ARHGAP6: variants seen among roughly 807,000 people sequenced by gnomAD.
The protein encoded by ARHGAP6 is rho GTPase-activating protein 6.
A neutral mutation model predicts 55.7 loss-of-function variants in ARHGAP6; 16 were observed. The observed-to-expected ratio is 0.29, with a 90% CI of 0.19 to 0.44. The LOEUF (loss-of-function observed/expected upper bound fraction) is 0.44, where lower values mean the gene tolerates loss of function less well. ARHGAP6 is among the 20% of genes least tolerant of loss of function. ARHGAP6 has a pLI of 1.00. For missense variants in ARHGAP6, 698 were observed against 808.9 expected, an observed-to-expected ratio of 0.86 and a Z score of 1.66; for synonymous variants, 382 against 360.9, an observed-to-expected ratio of 1.06 and a Z score of -0.66.
intron 1 of ARHGAP6, among the ~76,000 whole-genome samples, chrX:11,276,953 T>A (rs1367575722): frequency 9.0e-6 from 1 of 111,649 alleles, no homozygotes; most frequent in African/African-American, 3.3e-5. Context: ...AGTATACTCA[T>A]AGATAGTGTA....
In ARHGAP6 at chrX:11,511,887, C is replaced by T. The variant is rs1014438371; in HGVS notation, c.588+152354G>A. Among the ~76,000 whole-genome samples the T allele has an allele frequency of 2.7e-5, 3 of 111,292 alleles. No individual in the cohort carries two copies. The Admixed American group carries it at 2.9e-4, about 11-fold the overall frequency. ...TGTCACCCAGGCTGGAGTCCAGTGG[C>T]ATGATCTCAGCTCACTGCAAGCTCT... is the stretch of plus-strand genomic sequence containing the variant. On this transcript the variant is annotated intron_variant, in intron 1 of 12. Transcript: ENST00000337414.
At chrX:11,392,808 TAAG>T (rs2049425073) in intron 1 of ARHGAP6, among the ~76,000 whole-genome samples, 1 of 111,908 alleles carries the variant, frequency 8.9e-6, no homozygotes, top group African/African-American at 3.2e-5. Context: ...AACACACTCT[TAAG>T]AATCAACAAC....
chrX:11,153,521 T>A (rs2045818985), intron 10 of ARHGAP6, among the ~76,000 whole-genome samples: 1 of 54,414 alleles, frequency 1.8e-5, no homozygotes, highest in African/African-American at 8.0e-5. Context: ...CGAGACTCGA[T>A]CTCAAAAAAA....
At chrX:11,161,826 T>G (rs1440988917) in intron 9 of ARHGAP6, among the ~76,000 whole-genome samples, 2 of 111,961 alleles carry the variant, frequency 1.8e-5, no homozygotes, top group Non-Finnish European at 3.8e-5. Context: ...AACTCAGTTA[T>G]GGGATTTTCT....
At chrX:11,519,106 T>G (rs2050883264) in intron 1 of ARHGAP6, among the ~76,000 whole-genome samples, 1 of 95,421 alleles carries the variant, frequency 1.0e-5, no homozygotes, top group South Asian at 5.4e-4. Context: ...CATGTGCATG[T>G]GTCTTTATAG....
intron 1 of ARHGAP6, among the ~76,000 whole-genome samples, chrX:11,628,030 T>C (rs1169923097): frequency 8.9e-6 from 1 of 112,332 alleles, no homozygotes; most frequent in Non-Finnish European, 1.9e-5. Flanking sequence ...TCATTAACAA[T>C]GTAATATAAA....
intron 12 of ARHGAP6, among the ~76,000 whole-genome samples, 187 bp from the exon 13 acceptor site, chrX:11,139,717 C>T (rs1159023802): frequency 8.9e-6 from 1 of 112,145 alleles, no homozygotes; most frequent in Non-Finnish European, 1.9e-5. Flanking sequence ...CAAAAAAAGA[C>T]AAATGCTTTT....
intron 1 of ARHGAP6, among the ~76,000 whole-genome samples, chrX:11,462,481 C>T (rs1346184318): frequency 8.9e-6 from 1 of 112,346 alleles, no homozygotes; most frequent in African/African-American, 3.2e-5. Flanking sequence ...TCTGAAAACA[C>T]TTTCCAAATT....
chrX:11,591,988 A>G (rs768909162), intron 1 of ARHGAP6, among the ~76,000 whole-genome samples: 2 of 111,813 alleles, frequency 1.8e-5, no homozygotes, highest in African/African-American at 3.3e-5. Flanking sequence ...TAGGTTCCCC[A>G]AAAGTAGTCC....
At chrX:11,447,689 T>A (rs1054839890) in intron 1 of ARHGAP6, among the ~76,000 whole-genome samples, 1 of 112,218 alleles carries the variant, frequency 8.9e-6, no homozygotes, top group Admixed American at 9.5e-5. Context: ...GGTACTTGTA[T>A]ACATAATTAA....
At chrX:11,602,819 C>T (rs2051992862) in intron 1 of ARHGAP6, among the ~76,000 whole-genome samples, 2 of 112,213 alleles carry the variant, frequency 1.8e-5, no homozygotes, top group African/African-American at 6.5e-5. Flanking sequence ...CCAATTGACA[C>T]TGGAGGATAC....
chrX:11,302,901 C>T (rs999397634), intron 1 of ARHGAP6, among the ~76,000 whole-genome samples: 1 of 111,759 alleles, frequency 8.9e-6, no homozygotes, highest in Non-Finnish European at 1.9e-5. Context: ...CAACTCCACA[C>T]AAAATAAAAA....
intron 1 of ARHGAP6, among the ~76,000 whole-genome samples, chrX:11,362,188 A>T (rs1479032785): frequency 8.9e-6 from 1 of 111,932 alleles, no homozygotes; most frequent in African/African-American, 3.3e-5. Flanking sequence ...TCATGCTGTT[A>T]TAAAGACACA....
At chrX:11,519,006 T>G (rs1455392407) in intron 1 of ARHGAP6, among the ~76,000 whole-genome samples, 1 of 96,948 alleles carries the variant, frequency 1.0e-5, no homozygotes, top group Non-Finnish European at 2.0e-5. Context: ...GGTGTATATG[T>G]GCCACATTTT....
chrX:11,152,875 G>A (rs2045803591), intron 10 of ARHGAP6, among the ~76,000 whole-genome samples: 1 of 111,759 alleles, frequency 8.9e-6, no homozygotes, highest in African/African-American at 3.3e-5. Flanking sequence ...AAATCCGAAT[G>A]TCCAGATTGC....
chrX:11,360,763 G>A (rs2048999625), intron 1 of ARHGAP6, among the ~76,000 whole-genome samples: 2 of 111,394 alleles, frequency 1.8e-5, no homozygotes, highest in Non-Finnish European at 3.8e-5. Context: ...AAACCCCATT[G>A]TCTCAGCCCA....
chrX:11,321,678 A>G (rs962689816), intron 1 of ARHGAP6, among the ~76,000 whole-genome samples: 2 of 111,775 alleles, frequency 1.8e-5, no homozygotes, highest in African/African-American at 3.3e-5. Flanking sequence ...AGCCACAGCC[A>G]TTATAGCAAT....
intron 1 of ARHGAP6, among the ~76,000 whole-genome samples, chrX:11,364,445 G>A (rs1042348718): frequency 9.1e-6 from 1 of 110,263 alleles, no homozygotes; most frequent in Non-Finnish European, 1.9e-5. Context: ...AGCAGCCTCA[G>A]TTAGTTGCCT....
At chrX:11,649,021 C>T (rs765624454) in intron 1 of ARHGAP6, among the ~76,000 whole-genome samples, 1 of 112,406 alleles carries the variant, frequency 8.9e-6, no homozygotes, top group African/African-American at 3.2e-5. Flanking sequence ...TCTCCAGCTT[C>T]CCTTCCTTTA....
Sources: allele counts gnomAD v4.1 joint callset (sites outside exome capture counted in the v4.1 genomes callset), GRCh38; gene constraint gnomAD v4.1.1; transcripts MANE v1.5; gene names NCBI Gene and HGNC (gene_info 2026-07-23, HGNC 2026-07-21).